TMEM219: variants seen among roughly 807,000 people sequenced by gnomAD.
TMEM219 encodes insulin-like growth factor-binding protein 3 receptor.
In TMEM219, 18 loss-of-function variants were observed where a neutral mutation model predicts 17.9. That is an observed-to-expected ratio of 1.01 (90% CI 0.70 to 1.49). The LOEUF (loss-of-function observed/expected upper bound fraction) is 1.49, where lower values mean the gene tolerates loss of function less well. TMEM219 is among the 40% of genes most tolerant of loss of function. TMEM219 has a pLI of 0.00. For synonymous variants in TMEM219, 113 were observed against 124.0 expected (o/e 0.91, Z 0.59); for missense variants, 288 against 292.4 (o/e 0.99, Z 0.11).
chr16:29,964,018 T>A (rs2069181705), intron 3 of TMEM219, among the ~76,000 whole-genome samples: 1 of 151,806 alleles, frequency 6.6e-6, no homozygotes, highest in South Asian at 2.1e-4. Flanking sequence ...CCGTCTCTAC[T>A]AGAAATACAA....
intron 5 of TMEM219, 66 bp downstream of exon 5, chr16:29,971,644 G>A (rs950924779): frequency 2.7e-6 from 4 of 1,480,064 alleles, no homozygotes; most frequent in South Asian, 1.2e-5. Context: ...TGTAACCGGG[G>A]TAGAGCAGAT....
At chr16:29,966,977 G>A (rs1260385347) in intron 3 of TMEM219, among the ~76,000 whole-genome samples, 2 of 151,766 alleles carry the variant, frequency 1.3e-5, no homozygotes, top group Non-Finnish European at 2.9e-5. Flanking sequence ...TTTTCCCAAG[G>A]CCATTTACTG....
At chr16:29,970,032 A>G (rs1320185244) in intron 4 of TMEM219, among the ~76,000 whole-genome samples, 4 of 152,090 alleles carry the variant, frequency 2.6e-5, no homozygotes, top group Non-Finnish European at 5.9e-5. Flanking sequence ...ACTTGAGGTC[A>G]GGACCAGCCT....
At chr16:29,963,667 GA>G in intron 3 of TMEM219, 78 bp downstream of exon 3, 1 of 1,363,248 alleles carries the variant, frequency 7.3e-7, no homozygotes, top group African/African-American at 1.5e-5. Context: ...TGGATCATTT[GA>G]GGTCAGGAGT....
chr16:29,971,198 A>G (rs2069281593), intron 4 of TMEM219, among the ~76,000 whole-genome samples: 1 of 151,524 alleles, frequency 6.6e-6, no homozygotes, highest in South Asian at 2.1e-4. Context: ...GTGAGCTGAG[A>G]TCGCGCCACT....
At chr16:29,968,452 C>G in intron 4 of TMEM219, 198 bp downstream of exon 4, 1 of 552,142 alleles carries the variant, frequency 1.8e-6, no homozygotes, top group Non-Finnish European at 3.2e-6. Flanking sequence ...AAAACATGAC[C>G]CTATCTCTTA....
intron 4 of TMEM219, among the ~76,000 whole-genome samples, chr16:29,968,945 A>C (rs552160395): frequency 9.2e-5 from 14 of 152,284 alleles, no homozygotes; most frequent in Middle Eastern, 3.4e-3. Context: ...CCTTCTGTCA[A>C]GTCAGAATGA....
intron 3 of TMEM219, among the ~76,000 whole-genome samples, chr16:29,965,138 G>T (rs1443347946): frequency 6.6e-6 from 1 of 152,186 alleles, no homozygotes; most frequent in African/African-American, 2.4e-5. Context: ...GTGACATTTG[G>T]CCTTATCTAA....
chr16:29,964,200 G>A (rs1333720353), intron 3 of TMEM219, among the ~76,000 whole-genome samples: 2 of 151,706 alleles, frequency 1.3e-5, no homozygotes, highest in African/African-American at 2.4e-5. Flanking sequence ...GCACGTGCCT[G>A]TAATCCCAGC....
At chr16:29,971,633 T>A in intron 5 of TMEM219, 55 bp downstream of exon 5, 1 of 1,397,264 alleles carries the variant, frequency 7.2e-7, no homozygotes, top group Non-Finnish European at 9.8e-7. Flanking sequence ...GGGGTGGGGG[T>A]TGTAACCGGG....
chr16:29,969,993 G>A (rs2069262525), intron 4 of TMEM219, among the ~76,000 whole-genome samples: 1 of 152,166 alleles, frequency 6.6e-6, no homozygotes, highest in Non-Finnish European at 1.5e-5. Flanking sequence ...TGTAATCCCA[G>A]CACTTTGGGA....
chr16:29,968,267 G>A lies in TMEM219; in HGVS notation c.585+13G>A. On this transcript the variant is annotated intron_variant, in intron 4 of 5. Transcript: ENST00000279396. ...GCTGCTCACCTCGGTAAGAGCCTCA[G>A]ATGGGTCGCCAGGGTTTTGTAGACT... 1 of 1,604,384 alleles carries A rather than the reference G, an allele frequency of 6.2e-7. No homozygotes were observed. Among genetic ancestry groups the A allele is most frequent in the South Asian group, 1.1e-5 (1 of 90,906 alleles).
At chr16:29,965,800 C>T (rs1478922888) in intron 3 of TMEM219, among the ~76,000 whole-genome samples, 10 of 152,244 alleles carry the variant, frequency 6.6e-5, no homozygotes, top group South Asian at 4.1e-4. Flanking sequence ...GGCAGTGATG[C>T]GATCTCAGCT....
At chr16:29,966,942 C>T (rs907879222) in intron 3 of TMEM219, among the ~76,000 whole-genome samples, 2 of 151,616 alleles carry the variant, frequency 1.3e-5, no homozygotes, top group Admixed American at 6.6e-5. Context: ...AACAGTTTGA[C>T]GCTATGTTTT....
At chr16:29,968,413 G>A (rs954820136) in intron 4 of TMEM219, 159 bp downstream of exon 4, 4 of 592,526 alleles carry the variant, frequency 6.8e-6, no homozygotes, top group Admixed American at 3.0e-5. Flanking sequence ...AAACATCTCT[G>A]AGTGTCAGCA....
At chr16:29,971,630 G>T in intron 5 of TMEM219, 52 bp downstream of exon 5, 2 of 1,427,664 alleles carry the variant, frequency 1.4e-6, no homozygotes, top group Non-Finnish European at 9.6e-7. Flanking sequence ...GTGGGGGTGG[G>T]GGTTGTAACC....
At chr16:29,972,100 G>C (rs559366048) in intron 5 of TMEM219, 1 of 153,042 alleles carries the variant, frequency 6.5e-6, no homozygotes, top group South Asian at 2.1e-4. Context: ...GTGATTTTAA[G>C]ACTCATAACT....
chr16:29,964,800 CT>C (rs1281589667), intron 3 of TMEM219, among the ~76,000 whole-genome samples: 11 of 152,148 alleles, frequency 7.2e-5, no homozygotes, highest in African/African-American at 2.7e-4. Flanking sequence ...CATCCCTGGA[CT>C]TTAGTCACTT....
At chr16:29,967,954 A>C (rs1258828436) in intron 3 of TMEM219, 71 bp from the exon 4 acceptor site, 2 of 1,175,110 alleles carry the variant, frequency 1.7e-6, no homozygotes, top group Admixed American at 4.1e-5. Flanking sequence ...ATACAAGAAA[A>C]GAAGCGTGAA....
Sources: gnomAD v4.1 joint callset for allele counts (sites outside exome capture counted in the v4.1 genomes callset) on GRCh38, gnomAD v4.1.1 for gene constraint, MANE v1.5 for transcripts, NCBI Gene and HGNC (gene_info 2026-07-23, HGNC 2026-07-21) for gene names.